SLCO3A1: variants seen among roughly 807,000 people sequenced by gnomAD.
SLCO3A1 encodes the protein solute carrier organic anion transporter family member 3A1, also known as PGE1 transporter.
A neutral mutation model predicts 63.1 loss-of-function variants in SLCO3A1; 27 were observed. The observed-to-expected ratio is 0.43, with a 90% confidence interval of 0.32 to 0.59. The LOEUF is 0.59. Ranked by LOEUF, SLCO3A1 falls within the 20% of genes least tolerant of loss-of-function variation. The pLI is 0.09. For missense variants in SLCO3A1, 773 were observed against 945.8 expected (o/e 0.82, Z 2.40); for synonymous variants, 473 against 409.9 (o/e 1.15, Z -1.86).
chr15:91,977,489 G>C lies in SLCO3A1; in HGVS notation c.646+61031G>C, dbSNP rs200918686. ...GGAAAAATGGTGAGAATGTGCTCTA[G>C]GAAAGTGGGGTTCTCAGACATGGAA... is the stretch of plus-strand genomic sequence containing the variant. On this transcript the variant is annotated intron_variant, in intron 2 of 9. Coordinates refer to ENST00000318445, the MANE Select transcript of SLCO3A1 (RefSeq NM_013272.4). Among the ~76,000 whole-genome samples, 9 of 152,288 alleles carry C rather than the reference G, an allele frequency of 5.9e-5. 1 individual carries two copies. In the East Asian group the frequency reaches 1.5e-3, roughly 26 times the overall value.
In SLCO3A1 at chr15:92,074,126, G is replaced by A. The variant is rs184472163; in HGVS notation, c.647-20755G>A. ...GCAGAGGTTGCAGTGAGCCAAGATC[G>A]TCCCAGTGTACTCCAGCCTGGGCGA... is the stretch of plus-strand genomic sequence containing the variant. On this transcript the variant is annotated intron_variant, in intron 2 of 9. Coordinates refer to ENST00000318445, the MANE Select transcript of SLCO3A1 (RefSeq NM_013272.4). Among the ~76,000 whole-genome samples, 9 of 152,334 alleles carry A rather than the reference G, an allele frequency of 5.9e-5. No individual in the cohort carries two copies. The East Asian group carries it at 1.4e-3, about 23-fold the overall frequency.
At chr15:92,028,985 C>T (rs2058597814) in intron 2 of SLCO3A1, among the ~76,000 whole-genome samples, 1 of 148,512 alleles carries the variant, frequency 6.7e-6, no homozygotes, top group Non-Finnish European at 1.5e-5. Context: ...CAAACAACCC[C>T]CAAAACTGCC....
intron 2 of SLCO3A1, among the ~76,000 whole-genome samples, chr15:92,018,853 C>G (rs185145066): frequency 2.0e-4 from 31 of 152,308 alleles, no homozygotes; most frequent in Non-Finnish European, 4.0e-4. Flanking sequence ...CATCCAGGTG[C>G]AAGCTGGGTG....
intron 2 of SLCO3A1, among the ~76,000 whole-genome samples, chr15:91,939,133 G>A (rs1555451433): frequency 3.9e-5 from 6 of 152,146 alleles, no homozygotes; most frequent in Non-Finnish European, 7.4e-5. Context: ...GGAAGCTAGT[G>A]CCAGCATCTG....
intron 2 of SLCO3A1, among the ~76,000 whole-genome samples, chr15:91,961,506 C>G (rs559142150): frequency 6.6e-6 from 1 of 152,256 alleles, no homozygotes; most frequent in East Asian, 1.9e-4. Flanking sequence ...TTAAAAACAT[C>G]TCAGTCCAAG....
chr15:91,960,618 C>G (rs1900409864), intron 2 of SLCO3A1, among the ~76,000 whole-genome samples: 2 of 152,254 alleles, frequency 1.3e-5, no homozygotes, highest in East Asian at 1.9e-4. Context: ...AGCAGACATT[C>G]TTTTGATACA....
At chr15:91,947,756 G>T (rs1454408991) in intron 2 of SLCO3A1, among the ~76,000 whole-genome samples, 1 of 152,196 alleles carries the variant, frequency 6.6e-6, no homozygotes, top group Non-Finnish European at 1.5e-5. Context: ...GGGGCAGGTT[G>T]CTCCGATGGC....
chr15:92,163,271 A>C lies in SLCO3A1; in HGVS notation c.*136A>C. The C allele has an allele frequency of 7.5e-7, 1 of 1,341,678 alleles. No individual in the cohort carries two copies. Among genetic ancestry groups the C allele is most frequent in the Non-Finnish European group, 9.5e-7 (1 of 1,052,090 alleles). The allele number at this position is 1,341,678 out of a possible 1,614,324, so 83.1% of individuals were successfully genotyped here. ...CAGATGCACACACACGCAGACAGAC[A>C]CACCGACTTTGTCCTTTTTCTCAGC... On this transcript the variant is annotated 3_prime_UTR_variant, in exon 10 of 10. Transcript: ENST00000318445.
intron 2 of SLCO3A1, among the ~76,000 whole-genome samples, chr15:92,091,026 C>T (rs2047467558): frequency 6.6e-6 from 1 of 152,204 alleles, no homozygotes; most frequent in African/African-American, 2.4e-5. Flanking sequence ...TTCATACTCT[C>T]ACCTGGACTT....
intron 2 of SLCO3A1, among the ~76,000 whole-genome samples, chr15:92,011,260 C>A (rs1407464532): frequency 6.6e-6 from 1 of 152,200 alleles, no homozygotes; most frequent in Non-Finnish European, 1.5e-5. Context: ...TTTCCCACAT[C>A]TGTCAAATGC....
intron 2 of SLCO3A1, among the ~76,000 whole-genome samples, chr15:92,091,688 T>C (rs1205480747): frequency 6.6e-6 from 1 of 152,150 alleles, no homozygotes; most frequent in Admixed American, 6.5e-5. Flanking sequence ...CAGGTGGTGG[T>C]TTACCTTGAG....
chr15:91,868,472 T>G (rs1260148447), intron 1 of SLCO3A1, among the ~76,000 whole-genome samples: 1 of 149,114 alleles, frequency 6.7e-6, no homozygotes, highest in Non-Finnish European at 1.5e-5. Context: ...TAAAAAAAAA[T>G]CCATAATTCA....
intron 2 of SLCO3A1, among the ~76,000 whole-genome samples, chr15:92,057,110 T>G (rs2047030873): frequency 6.6e-6 from 1 of 152,204 alleles, no homozygotes; most frequent in Admixed American, 6.5e-5. Flanking sequence ...GCTGTGCCCG[T>G]CTCAGGAAGC....
intron 2 of SLCO3A1, among the ~76,000 whole-genome samples, chr15:92,018,069 G>T (rs191310788): frequency 5.3e-4 from 81 of 152,346 alleles, no homozygotes; most frequent in African/African-American, 1.9e-3. Context: ...TGATGATGTG[G>T]TTGAGGGCTG....
At chr15:92,096,545 C>G (rs548328366) in intron 3 of SLCO3A1, among the ~76,000 whole-genome samples, 1 of 152,288 alleles carries the variant, frequency 6.6e-6, no homozygotes, top group East Asian at 1.9e-4. Context: ...GCCATATTTC[C>G]TTTCTCTCTG....
chr15:91,977,997 TA>T (rs879713269), intron 2 of SLCO3A1, among the ~76,000 whole-genome samples: 3 of 152,176 alleles, frequency 2.0e-5, no homozygotes, highest in Admixed American at 1.3e-4. Context: ...AAACACAGAG[TA>T]TTGACTCAGA....
chr15:92,055,813 A>G lies in SLCO3A1; in HGVS notation c.647-39068A>G, dbSNP rs138451963. ...CGTTGTCACATGAGATTCACCATCT[A>G]TCAGTTTTTCCCTAATTTATTCAAT... On this transcript the variant is annotated intron_variant, in intron 2 of 9. Transcript: ENST00000318445. Among the ~76,000 whole-genome samples, 13 of 152,344 alleles carry G rather than the reference A, an allele frequency of 8.5e-5. No homozygotes were observed. In the East Asian group the frequency reaches 1.9e-3, roughly 23 times the overall value.
At chr15:91,938,719 G>A (rs1292775624) in intron 2 of SLCO3A1, among the ~76,000 whole-genome samples, 2 of 152,138 alleles carry the variant, frequency 1.3e-5, no homozygotes, top group Non-Finnish European at 2.9e-5. Context: ...GTGGTGATGC[G>A]GGATTTGAAC....
chr15:91,914,566 CCT>C (rs1898589978), intron 1 of SLCO3A1, among the ~76,000 whole-genome samples: 1 of 133,768 alleles, frequency 7.5e-6, no homozygotes, highest in Non-Finnish European at 1.6e-5. Context: ...CTATTTTCTT[CCT>C]TTTTTTTTTT....
Sources: allele counts gnomAD v4.1 joint callset (sites outside exome capture counted in the v4.1 genomes callset), GRCh38; gene constraint gnomAD v4.1.1; transcripts MANE v1.5; gene names NCBI Gene and HGNC (gene_info 2026-07-23, HGNC 2026-07-21).